GPC5: variants seen among roughly 807,000 people sequenced by gnomAD.
The protein encoded by GPC5 is glypican-5.
Under a neutral mutation model 53.9 loss-of-function variants are expected in GPC5, and 47 were observed. That is an observed-to-expected ratio of 0.87 (90% confidence interval 0.69 to 1.11). The LOEUF (loss-of-function observed/expected upper bound fraction) is 1.11, where lower values mean the gene tolerates loss of function less well. Among genes scored for constraint, GPC5 ranks in the 50% most tolerant of loss-of-function variants. The pLI, the probability that GPC5 is intolerant of heterozygous loss-of-function variation, is 0.00. For missense variants in GPC5, 748 were observed against 713.1 expected (o/e 1.05, Z -0.56); for synonymous variants, 286 against 263.3 (o/e 1.09, Z -0.84).
intron 6 of GPC5, among the ~76,000 whole-genome samples, chr13:92,022,383 A>G (rs939282626): frequency 1.3e-5 from 2 of 152,146 alleles, no homozygotes; most frequent in Non-Finnish European, 2.9e-5. Context: ...ACTAAAAGTA[A>G]AAATAACATA....
intron 7 of GPC5, among the ~76,000 whole-genome samples, chr13:92,852,317 G>A (rs1301548059): frequency 1.3e-5 from 2 of 152,192 alleles, no homozygotes; most frequent in Non-Finnish European, 2.9e-5. Context: ...GGGTCAGTGA[G>A]ATGAGGGATA....
chr13:91,797,066 CCA>C (rs1480582559), intron 5 of GPC5, among the ~76,000 whole-genome samples: 5 of 151,920 alleles, frequency 3.3e-5, no homozygotes, highest in East Asian at 1.9e-4. Context: ...ATATTTTATG[CCA>C]CAGAGTCACA....
At chr13:91,791,407 C>A (rs1361671775) in intron 5 of GPC5, among the ~76,000 whole-genome samples, 1 of 152,142 alleles carries the variant, frequency 6.6e-6, no homozygotes, top group Non-Finnish European at 1.5e-5. Context: ...TGCTGTAGCA[C>A]TCCAAAATCC....
chr13:92,697,098 T>A (rs890380344), intron 7 of GPC5, among the ~76,000 whole-genome samples: 2 of 151,390 alleles, frequency 1.3e-5, no homozygotes, highest in East Asian at 2.0e-4. Flanking sequence ...TTGGTTACTG[T>A]AGCCTTGTAG....
At chr13:91,511,684 T>G (rs1885235805) in intron 2 of GPC5, among the ~76,000 whole-genome samples, 1 of 152,190 alleles carries the variant, frequency 6.6e-6, no homozygotes, top group Admixed American at 6.5e-5. Flanking sequence ...TGATCACATA[T>G]TTTCCATTTA....
intron 2 of GPC5, among the ~76,000 whole-genome samples, chr13:91,469,792 C>A (rs1331288267): frequency 1.3e-5 from 2 of 152,098 alleles, no homozygotes; most frequent in African/African-American, 4.8e-5. Flanking sequence ...GTAATCCCAG[C>A]ACTTTGGGAG....
At chr13:91,565,050 C>A (rs1488823456) in intron 2 of GPC5, among the ~76,000 whole-genome samples, 1 of 151,164 alleles carries the variant, frequency 6.6e-6, no homozygotes. Context: ...AGTGTAGTGG[C>A]GTGATCTTGG....
intron 7 of GPC5, among the ~76,000 whole-genome samples, chr13:92,721,158 C>T (rs1264174680): frequency 3.3e-5 from 5 of 151,910 alleles, no homozygotes; most frequent in Non-Finnish European, 7.4e-5. Flanking sequence ...AAAAATCCTT[C>T]CTGGTGCACA....
chr13:92,484,562 A>G (rs1879483001), intron 7 of GPC5: 1 of 152,114 alleles, frequency 6.6e-6, no homozygotes, highest in Non-Finnish European at 1.5e-5. Flanking sequence ...TGACATCACA[A>G]TGGCTATATC....
At chr13:91,449,409 C>T (rs111409960) in intron 2 of GPC5, among the ~76,000 whole-genome samples, 279 of 152,072 alleles carry the variant, frequency 1.8e-3, no homozygotes, top group African/African-American at 6.5e-3. Context: ...AGGTTTGTTA[C>T]ATAGGTATAC....
chr13:92,630,910 G>T (rs1203597861), intron 7 of GPC5, among the ~76,000 whole-genome samples: 1 of 151,938 alleles, frequency 6.6e-6, no homozygotes, highest in East Asian at 1.9e-4. Context: ...CACAAATCTA[G>T]TTGGCAATAT....
At chr13:92,490,584 A>C (rs1201295152) in intron 7 of GPC5, among the ~76,000 whole-genome samples, 2 of 152,126 alleles carry the variant, frequency 1.3e-5, no homozygotes, top group Non-Finnish European at 2.9e-5. Context: ...TAAAATAAAC[A>C]TATAAATGGT....
chr13:92,221,065 T>C (rs72636832), intron 7 of GPC5, among the ~76,000 whole-genome samples: 23,619 of 152,082 alleles, frequency 0.16, 2,287 homozygotes, highest in Admixed American at 0.21. Context: ...CACCCAGCCT[T>C]CTGCTCAAAC....
intron 7 of GPC5, among the ~76,000 whole-genome samples, chr13:92,252,683 A>G (rs2042700693): frequency 6.6e-6 from 1 of 152,098 alleles, no homozygotes; most frequent in South Asian, 2.1e-4. Flanking sequence ...AGTTACCAGA[A>G]AGTTACATAA....
At position 91,398,963 on chromosome 13, in the gene GPC5, T is replaced by C. The variant is rs1324942433; in HGVS notation, c.-84T>C. On this transcript the variant is annotated 5_prime_UTR_variant, in exon 1 of 8. Coordinates refer to ENST00000377067, the MANE Select transcript of GPC5 (RefSeq NM_004466.6). ...CGCACCGCTCGAGAGCCTCGGCCGCTGTGTCTTCCACGTCTGCAGCTCAGC... is the reference window on the plus strand; with the variant it reads ...CGCACCGCTCGAGAGCCTCGGCCGCCGTGTCTTCCACGTCTGCAGCTCAGC... The C allele has an allele frequency of 9.6e-6, 14 of 1,465,840 alleles. No individual in the cohort carries two copies. In the Admixed American group the frequency reaches 1.6e-4, roughly 17 times the overall value. The allele number at this position is 1,465,840 out of a possible 1,614,324, so 90.8% of individuals were successfully genotyped here.
intron 6 of GPC5, among the ~76,000 whole-genome samples, chr13:92,044,369 C>T (rs939574682): frequency 6.6e-6 from 1 of 152,134 alleles, no homozygotes. Context: ...CTGTACTGAG[C>T]AGAACTGGAC....
At chr13:92,194,994 A>G (rs2042247294) in intron 7 of GPC5, among the ~76,000 whole-genome samples, 1 of 152,236 alleles carries the variant, frequency 6.6e-6, no homozygotes, top group African/African-American at 2.4e-5. Flanking sequence ...TTAGCAGTCA[A>G]AGATCTCTGC....
intron 2 of GPC5, among the ~76,000 whole-genome samples, chr13:91,520,676 G>GTA (rs1885755748): frequency 6.6e-6 from 1 of 151,660 alleles, no homozygotes; most frequent in African/African-American, 2.4e-5. Flanking sequence ...ATATATGTGT[G>GTA]TATATATATG....
intron 3 of GPC5, among the ~76,000 whole-genome samples, chr13:91,711,839 T>C (rs761005551): frequency 6.6e-6 from 1 of 152,154 alleles, no homozygotes; most frequent in Non-Finnish European, 1.5e-5. Flanking sequence ...TTTTGGGGGA[T>C]GTTGAAGGGA....
Sources: gnomAD v4.1 joint callset for allele counts (sites outside exome capture counted in the v4.1 genomes callset) on GRCh38, gnomAD v4.1.1 for gene constraint, MANE v1.5 for transcripts, NCBI Gene and HGNC (gene_info 2026-07-23, HGNC 2026-07-21) for gene names.